Variants in TJP1 observed in about 807,000 individuals in gnomAD.
The protein encoded by TJP1 is tight junction protein 1.
In TJP1, 43 loss-of-function variants were observed where a neutral mutation model predicts 194.2. That is an observed-to-expected ratio of 0.22 (90% CI 0.17 to 0.29). The LOEUF (loss-of-function observed/expected upper bound fraction) is 0.29, where lower values mean the gene tolerates loss of function less well. TJP1 is among the 10% of genes least tolerant of loss of function. The pLI, the probability that TJP1 is intolerant of heterozygous loss-of-function variation, is 1.00. For missense variants in TJP1, 1,971 were observed against 2,185.7 expected, an observed-to-expected ratio of 0.90 and a Z score of 1.96; for synonymous variants, 801 against 779.0, an observed-to-expected ratio of 1.03 and a Z score of -0.47.
Position 29,720,604 on chromosome 15 carries a change from G to A in TJP1, c.2517C>T (p.His839=). The change falls in exon 19 of 28, where the codon CAC becomes CAT. Residue 839 remains histidine (H), a synonymous_variant. Coordinates refer to ENST00000614355, the MANE Select transcript of TJP1 (RefSeq NM_001330239.4). ...EYSMYSTDSR[H]TSDYEDTDTE... Reference sequence around the variant, plus strand: ...TGTCTGTGTCTTCATAGTCAGAAGTGTGTCTACTGTCCGTGCTATACATTG... The same window carrying A: ...TGTCTGTGTCTTCATAGTCAGAAGTATGTCTACTGTCCGTGCTATACATTG... 1 of 1,614,158 alleles carries A rather than the reference G, an allele frequency of 6.2e-7. No homozygotes were observed. Among genetic ancestry groups the A allele is most frequent in the Non-Finnish European group, 8.5e-7 (1 of 1,180,036 alleles).
chr15:29,761,763 C>A lies in TJP1; in HGVS notation c.700G>T (p.Gly234Cys). The A allele has an allele frequency of 1.3e-6, 2 of 1,535,110 alleles. No individual in the cohort carries two copies. Among genetic ancestry groups the A allele is most frequent in the Admixed American group, 1.8e-5 (1 of 55,402 alleles). Residue 234 changes from glycine to cysteine, a missense_variant, in exon 7 of 28, where the codon GGT (glycine) becomes TGT (cysteine). Transcript: ENST00000614355. The stretch of plus-strand genomic sequence containing the variant: ...AATGACATATTTTCTGTCACAGTAC[C>A]ATTTATCTGCAACAGAAAATAAATT... ...QEGDVVLKIN[G>C]TVTENMSLTD...
At chr15:29,785,530 G>A (rs1400148042) in intron 2 of TJP1, among the ~76,000 whole-genome samples, 4 of 152,138 alleles carry the variant, frequency 2.6e-5, no homozygotes, top group African/African-American at 9.7e-5. Flanking sequence ...TCCTGTTTCA[G>A]AAATAACTGC....
Position 29,956,151 on chromosome 15 carries a change from GC to G in TJP1, c.306+80del, listed in dbSNP as rs575533704. 305 of 1,075,828 alleles carry G rather than the reference GC, an allele frequency of 2.8e-4. No individual in the cohort carries two copies. The African/African-American group carries it at 4.6e-3, about 16-fold the overall frequency. 66.6% of individuals were successfully genotyped at this position (1,075,828 alleles called of 1,614,324 possible). On this transcript the variant is annotated intron_variant, in intron 2 of 28. Transcript: ENST00000356107. ...AAAATGCCTGCCACAAAATAAGTCT[GC>G]TGCATTTTTATGAAAATAATAAAAT...
chr15:29,806,234 G>GTAAT (rs777656545), intron 1 of TJP1, among the ~76,000 whole-genome samples: 2 of 152,128 alleles, frequency 1.3e-5, no homozygotes, highest in Non-Finnish European at 2.9e-5. Flanking sequence ...AGGAAAAGAT[G>GTAAT]TAATTACCCA....
At chr15:29,747,913 T>C (rs45528031) in intron 8 of TJP1, among the ~76,000 whole-genome samples, 63 of 152,346 alleles carry the variant, frequency 4.1e-4, no homozygotes, top group African/African-American at 1.4e-3. Flanking sequence ...CATTATAACA[T>C]TAAATGCAAT....
At position 29,747,360 on chromosome 15, in the gene TJP1, C is replaced by G. The variant is rs1809358841; in HGVS notation, c.1011-4579G>C. ...CCATTACTTGTGTAATAAAATATCA[C>G]AATTAGCTAAGTATAAATCAACAAA... On this transcript the variant is annotated intron_variant, in intron 8 of 27. Transcript: ENST00000614355. 2.6e-5 allele frequency among the ~76,000 whole-genome samples: 4 copies of G among 152,124 alleles called. 1 individual carries two copies. The highest frequency in any genetic ancestry group is 2.6e-4 in the Admixed American group (4 of 15,276).
intron 8 of TJP1, among the ~76,000 whole-genome samples, chr15:29,752,256 C>T (rs1437227391): frequency 6.6e-6 from 1 of 152,124 alleles, no homozygotes; most frequent in Non-Finnish European, 1.5e-5. Context: ...GCACACGCCA[C>T]CACGCCTAGC....
rs182616368 is a variant in TJP1, at chr15:29,867,924, T to C, written c.307-67222A>G. ...TACAAAAATTAGCCGGGTGTGGTGG[T>C]GCATGCCAGTAGTCCCAGCTACTTG... On this transcript the variant is annotated intron_variant, in intron 2 of 28. Coordinates refer to the TJP1 transcript ENST00000356107. Among the ~76,000 whole-genome samples, 209 of 152,028 alleles carry C rather than the reference T, an allele frequency of 1.4e-3. 2 individuals carry two copies. Among genetic ancestry groups the C allele is most frequent in the African/African-American group, 4.6e-3 (192 of 41,444 alleles).
intron 24 of TJP1, among the ~76,000 whole-genome samples, chr15:29,709,535 G>C (rs1322214990): frequency 1.3e-5 from 2 of 152,104 alleles, no homozygotes; most frequent in Non-Finnish European, 2.9e-5. Context: ...AAATAATTAA[G>C]GACACTACAA....
intron 24 of TJP1, 132 bp from the exon 25 acceptor site, chr15:29,709,168 C>T: frequency 8.7e-6 from 7 of 805,888 alleles, no homozygotes; most frequent in Non-Finnish European, 1.4e-5. Context: ...GACTCTTGAG[C>T]CCTGGAGGCT....
chr15:29,736,644 G>A (rs183644944), intron 11 of TJP1, among the ~76,000 whole-genome samples: 33 of 152,336 alleles, frequency 2.2e-4, no homozygotes, highest in Non-Finnish European at 1.2e-4. Context: ...TTATGGGGAA[G>A]GAAGGGAGGA....
chr15:29,793,301 T>TCA (rs1359992268), intron 2 of TJP1, among the ~76,000 whole-genome samples: 4 of 152,196 alleles, frequency 2.6e-5, no homozygotes, highest in African/African-American at 9.7e-5. Flanking sequence ...TGAGTTTTTA[T>TCA]CATGAAGGGA....
intron 2 of TJP1, among the ~76,000 whole-genome samples, chr15:29,918,931 T>G (rs746709306): frequency 3.3e-5 from 5 of 152,092 alleles, no homozygotes; most frequent in African/African-American, 7.2e-5. Context: ...CTACGGGAGA[T>G]ATTTCCTCCC....
At chr15:29,750,391 G>C (rs543444584) in intron 8 of TJP1, among the ~76,000 whole-genome samples, 2 of 151,852 alleles carry the variant, frequency 1.3e-5, no homozygotes, top group African/African-American at 4.8e-5. Flanking sequence ...TGCTCGCCTC[G>C]GCCTCCCAAA....
intron 2 of TJP1, among the ~76,000 whole-genome samples, chr15:29,852,730 A>G (rs1261803576): frequency 6.6e-5 from 10 of 151,780 alleles, no homozygotes; most frequent in Non-Finnish European, 1.3e-4. Context: ...AAATGGAGAA[A>G]CCCCGTCTCT....
chr15:29,799,820 C>T (rs1411382865), intron 2 of TJP1, among the ~76,000 whole-genome samples: 4 of 152,088 alleles, frequency 2.6e-5, no homozygotes, highest in Admixed American at 6.5e-5. Flanking sequence ...GATTCTTTCC[C>T]CTTTCCATCT....
intron 2 of TJP1, among the ~76,000 whole-genome samples, chr15:29,919,155 G>A (rs1420563725): frequency 1.3e-5 from 2 of 152,222 alleles, no homozygotes; most frequent in South Asian, 2.1e-4. Context: ...GTAGAACAAT[G>A]TTTTTCAAAT....
intron 2 of TJP1, among the ~76,000 whole-genome samples, chr15:29,777,440 T>G (rs1044553355): frequency 6.6e-6 from 1 of 152,022 alleles, no homozygotes; most frequent in African/African-American, 2.4e-5. Flanking sequence ...AGACCATACT[T>G]TGAAAATGTC....
At chr15:29,850,162 T>G (rs1412529745) in intron 2 of TJP1, among the ~76,000 whole-genome samples, 1 of 152,036 alleles carries the variant, frequency 6.6e-6, no homozygotes, top group African/African-American at 2.4e-5. Context: ...AAAAATTAAC[T>G]CAAAAACGTA....
Sources: allele counts gnomAD v4.1 joint callset (sites outside exome capture counted in the v4.1 genomes callset), GRCh38; gene constraint gnomAD v4.1.1; transcripts MANE v1.5; gene names NCBI Gene and HGNC (gene_info 2026-07-23, HGNC 2026-07-21).